Variants in PLA2G12A observed in about 807,000 individuals in gnomAD.
The protein encoded by PLA2G12A is group XIIA secretory phospholipase A2.
PLA2G12A carries 11 observed loss-of-function variants against 16.0 expected under a neutral mutation model. The ratio of observed to expected loss-of-function variants is 0.69; its 90% confidence interval spans 0.43 to 1.13. The LOEUF (loss-of-function observed/expected upper bound fraction) is 1.13, where lower values mean the gene tolerates loss of function less well. Ranked by LOEUF, PLA2G12A falls within the 50% of genes most tolerant of loss-of-function variation. PLA2G12A has a pLI of 0.00. For synonymous variants in PLA2G12A, 77 were observed against 93.8 expected, an observed-to-expected ratio of 0.82 and a Z score of 1.03; for missense variants, 214 against 237.3, an observed-to-expected ratio of 0.90 and a Z score of 0.65.
chr4:109,716,017 AAAC>A (rs1404032648), intron 3 of PLA2G12A, among the ~76,000 whole-genome samples: 1 of 152,242 alleles, frequency 6.6e-6, no homozygotes, highest in African/African-American at 2.4e-5. Context: ...TGCCATTAAG[AAAC>A]AACCAACCAC....
At chr4:109,720,574 CAAAAAAAAAAAAAAAAAAAA>C (rs61477793) in intron 1 of PLA2G12A, among the ~76,000 whole-genome samples, 8 of 37,482 alleles carry the variant, frequency 2.1e-4, no homozygotes, top group African/African-American at 3.6e-4. Flanking sequence ...TGTCTGTATT[CAAAAAAAAAAAAAAAAAAAA>C]AAAAAAAAAA....
rs1281927720 is a variant in PLA2G12A, at chr4:109,729,593, C to G, written c.208+9G>C. 6.2e-7 allele frequency: 1 copy of G among 1,602,826 alleles called. No homozygotes were observed. Among genetic ancestry groups the G allele is most frequent in the Non-Finnish European group, 8.5e-7 (1 of 1,172,722 alleles). The stretch of plus-strand genomic sequence containing the variant: ...CACGAGCCCTCGCTGGGCCCGGGTG[C>G]CCCCTCACCGTCACTGCATTTATAC... On this transcript the variant is annotated intron_variant, in intron 1 of 3. Transcript: ENST00000243501.
chr4:109,718,589 T>C, intron 2 of PLA2G12A, 94 bp downstream of exon 2: 1 of 965,094 alleles, frequency 1.0e-6, no homozygotes, highest in South Asian at 1.6e-5. Flanking sequence ...CTAAATTATT[T>C]GTGAATCTAA....
chr4:109,724,430 T>C (rs1239882036), intron 1 of PLA2G12A, among the ~76,000 whole-genome samples: 3 of 152,236 alleles, frequency 2.0e-5, no homozygotes, highest in Admixed American at 2.0e-4. Context: ...CCTTTTTTTT[T>C]TAATCAGAAA....
At chr4:109,718,392 A>G (rs1447391036) in intron 2 of PLA2G12A, among the ~76,000 whole-genome samples, 1 of 152,206 alleles carries the variant, frequency 6.6e-6, no homozygotes, top group African/African-American at 2.4e-5. Flanking sequence ...TGATTTATCT[A>G]TACTTTTTCC....
intron 1 of PLA2G12A, among the ~76,000 whole-genome samples, chr4:109,726,714 C>T (rs1316782208): frequency 6.6e-6 from 1 of 152,130 alleles, no homozygotes; most frequent in African/African-American, 2.4e-5. Context: ...AAGTTTTCTT[C>T]CTTAAATCTT....
At chr4:109,722,621 C>A (rs1035609261) in intron 1 of PLA2G12A, among the ~76,000 whole-genome samples, 1 of 152,190 alleles carries the variant, frequency 6.6e-6, no homozygotes, top group Non-Finnish European at 1.5e-5. Context: ...TCACAGCCTC[C>A]AGAACTGAGG....
chr4:109,723,630 G>A (rs1722856883), intron 1 of PLA2G12A, among the ~76,000 whole-genome samples: 1 of 152,168 alleles, frequency 6.6e-6, no homozygotes, highest in Non-Finnish European at 1.5e-5. Context: ...TAATTCTTGG[G>A]AAGCCCATTC....
chr4:109,717,215 G>A (rs868334463), intron 3 of PLA2G12A, among the ~76,000 whole-genome samples: 9 of 152,304 alleles, frequency 5.9e-5, no homozygotes, highest in African/African-American at 1.9e-4. Context: ...GATGGACTAA[G>A]ACAACTGGAA....
chr4:109,727,562 G>GT (rs1317643004), intron 1 of PLA2G12A, among the ~76,000 whole-genome samples: 9 of 152,028 alleles, frequency 5.9e-5, no homozygotes, highest in Non-Finnish European at 1.2e-4. Flanking sequence ...ATTCCTTTGT[G>GT]TTTTTTTGTG....
At position 109,729,786 on chromosome 4, in the gene PLA2G12A, C is replaced by A. The variant is rs201421542; in HGVS notation, c.24G>T (p.Ala8=). 6.4e-7 allele frequency: 1 copy of A among 1,556,638 alleles called. No homozygotes were observed. Among genetic ancestry groups the A allele is most frequent in the Admixed American group, 1.9e-5 (1 of 51,604 alleles). Residue 8 remains alanine, a synonymous_variant, in exon 1 of 4, where the codon GCG becomes GCT. Coordinates refer to ENST00000243501, the MANE Select transcript of PLA2G12A (RefSeq NM_030821.5). ...CCATGAGGAGGAGCAGGAGGGTGAG[C>A]GCGGGGCGCGAGAGCAGGGCCATGC... MALLSRP[A]LTLLLLLMAA...
rs1730786023 is a variant in PLA2G12A at position 109,714,158 on chromosome 4, C to G, written c.*219G>C. ...ACATTTGGCATACTAAGTAAGGGAGCAATGCTGGGGAAGATACCTGAGAAG... is the reference window on the plus strand; with the variant it reads ...ACATTTGGCATACTAAGTAAGGGAGGAATGCTGGGGAAGATACCTGAGAAG... On this transcript the variant is annotated 3_prime_UTR_variant, in exon 4 of 4. Coordinates refer to ENST00000243501, the MANE Select transcript of PLA2G12A (RefSeq NM_030821.5). 7.7e-6 allele frequency: 4 copies of G among 521,616 alleles called. No individual in the cohort carries two copies. The highest frequency in any genetic ancestry group is 5.3e-4 in the Middle Eastern group (1 of 1,902). The allele number at this position is 521,616 out of a possible 1,614,324, so 32.3% of individuals were successfully genotyped here.
rs1424030571 is a variant in PLA2G12A at position 109,713,194 on chromosome 4, TAAC to T, written c.*1180_*1182del. The T allele has an allele frequency of 6.6e-6, 1 of 152,186 alleles. No individual in the cohort carries two copies. Among genetic ancestry groups the T allele is most frequent in the African/African-American group, 2.4e-5 (1 of 41,446 alleles). The allele number at this position is 152,186 out of a possible 1,614,324, so 9.4% of individuals were successfully genotyped here. A position where few individuals can be genotyped will look rare whatever the true frequency, so the allele number is the denominator to read the frequency against. On this transcript the variant is annotated 3_prime_UTR_variant, in exon 4 of 4. Coordinates refer to ENST00000243501, the MANE Select transcript of PLA2G12A (RefSeq NM_030821.5). ...TTGAGGTCCCAGGCTAGGGAAAGGT[TAAC>T]AACCAGTAGTCAGCAAAGACCGGTC...
In PLA2G12A at chr4:109,718,717, G is replaced by C. The variant is rs368449766; in HGVS notation, c.251C>G (p.Pro84Arg). 1 of 1,601,688 alleles carries C rather than the reference G, an allele frequency of 6.2e-7. No homozygotes were observed. The highest frequency in any genetic ancestry group is 1.1e-5 in the South Asian group (1 of 89,252). Residue 84 changes from proline (P) to arginine (R), a missense_variant, in exon 2 of 4, where the codon CCG becomes CGG. By Grantham distance (103) the Pro-to-Arg change is moderately radical. Coordinates refer to ENST00000243501, the MANE Select transcript of PLA2G12A (RefSeq NM_030821.5). The stretch of plus-strand genomic sequence containing the variant: ...AAACAGTGGAGAGCCACATCCATTC[G>C]GTGGGGAGGGTTTATAACCATAACG... The part of the protein sequence containing the change: ...FPRYGYKPSP[P>R]NGCGSPLFGV...
intron 3 of PLA2G12A, 133 bp downstream of exon 3, chr4:109,717,415 G>T: frequency 1.0e-6 from 1 of 978,162 alleles, no homozygotes; most frequent in Non-Finnish European, 1.5e-6. Flanking sequence ...CCTCACCTCA[G>T]AAAATTGAAG....
chr4:109,727,789 G>C (rs1027052884), intron 1 of PLA2G12A, among the ~76,000 whole-genome samples: 1 of 152,060 alleles, frequency 6.6e-6, no homozygotes, highest in African/African-American at 2.4e-5. Context: ...CACAGAGGGA[G>C]ACCTTGCCTC....
chr4:109,721,058 C>G (rs1002684176), intron 1 of PLA2G12A, among the ~76,000 whole-genome samples: 4 of 152,052 alleles, frequency 2.6e-5, no homozygotes, highest in African/African-American at 9.7e-5. Flanking sequence ...GCAACAAGAG[C>G]GAAACTCTGT....
chr4:109,719,169 A>G (rs1730876915), intron 1 of PLA2G12A, among the ~76,000 whole-genome samples: 1 of 152,228 alleles, frequency 6.6e-6, no homozygotes, highest in African/African-American at 2.4e-5. Flanking sequence ...GGGCTAAGAC[A>G]GTATCTTCCC....
intron 3 of PLA2G12A, 43 bp downstream of exon 3, chr4:109,717,504 CT>C (rs779500611): frequency 2.6e-6 from 4 of 1,563,766 alleles, no homozygotes; most frequent in Non-Finnish European, 2.6e-6. Flanking sequence ...TTTGATACAA[CT>C]TTAAAAAGTA....
Sources: allele counts gnomAD v4.1 joint callset (sites outside exome capture counted in the v4.1 genomes callset), GRCh38; gene constraint gnomAD v4.1.1; transcripts MANE v1.5; gene names NCBI Gene and HGNC (gene_info 2026-07-23, HGNC 2026-07-21).